The following PTK7 variants were observed in gnomAD, a reference collection of about 807,000 sequenced individuals.
The protein encoded by PTK7 is protein tyrosine kinase 7 (inactive).
A neutral mutation model predicts 116.6 loss-of-function variants in PTK7; 39 were observed. That is an observed-to-expected ratio of 0.33 (90% confidence interval 0.26 to 0.44). The LOEUF is 0.44. Ranked by LOEUF, PTK7 falls within the 20% of genes least tolerant of loss-of-function variation. The probability of loss-of-function intolerance (pLI) is 1.00; values close to 1 mark genes in which losing one functional copy is unlikely to be tolerated. For missense variants in PTK7, 1,169 were observed against 1,425.6 expected (o/e 0.82, Z 2.90); for synonymous variants, 546 against 563.6 (o/e 0.97, Z 0.44).
intron 1 of PTK7, among the ~76,000 whole-genome samples, chr6:43,094,400 G>A (rs1208765226): frequency 1.3e-5 from 2 of 151,918 alleles, no homozygotes. Context: ...GGGTGGTTTG[G>A]TTATGGGGTT....
chr6:43,156,638 T>C (rs1014064840), intron 17 of PTK7, among the ~76,000 whole-genome samples: 7 of 151,724 alleles, frequency 4.6e-5, no homozygotes, highest in African/African-American at 1.7e-4. Flanking sequence ...CAGTGGCTCA[T>C]GTCTGTAATC....
At chr6:43,111,022 C>G (rs1367338700) in intron 1 of PTK7, among the ~76,000 whole-genome samples, 1 of 152,224 alleles carries the variant, frequency 6.6e-6, no homozygotes, top group Non-Finnish European at 1.5e-5. Flanking sequence ...AGGCCTGCTT[C>G]ATACCAAGAT....
chr6:43,161,054 T>C lies in PTK7; in HGVS notation c.*173T>C. 1.0e-6 allele frequency: 1 copy of C among 981,382 alleles called. No individual in the cohort carries two copies. Among genetic ancestry groups the C allele is most frequent in the Non-Finnish European group, 1.4e-6 (1 of 693,242 alleles). 60.8% of individuals were successfully genotyped at this position (981,382 alleles called of 1,614,324 possible). A position where few individuals can be genotyped will look rare whatever the true frequency, so the allele number is the denominator to read the frequency against. ...CCTTTCCTCCTCTTCCTCACCCTCA[T>C]CCTTTGGGAGGCTGACTTGGACCCA... On this transcript the variant is annotated 3_prime_UTR_variant, in exon 20 of 20. Coordinates refer to ENST00000230419, the MANE Select transcript of PTK7 (RefSeq NM_002821.5).
chr6:43,159,062 A>C (rs1771682976), intron 18 of PTK7, 94 bp downstream of exon 18: 1 of 1,500,098 alleles, frequency 6.7e-7, no homozygotes, highest in African/African-American at 1.4e-5. Flanking sequence ...GAAAGGGTTT[A>C]GTGCCTGCTT....
intron 17 of PTK7, among the ~76,000 whole-genome samples, chr6:43,150,420 A>C (rs908002022): frequency 3.9e-5 from 6 of 152,192 alleles, no homozygotes; most frequent in African/African-American, 1.4e-4. Flanking sequence ...GTCTAACAGA[A>C]TTCCCTTTTA....
intron 10 of PTK7, among the ~76,000 whole-genome samples, chr6:43,140,831 A>G (rs1770356669): frequency 6.6e-6 from 1 of 152,116 alleles, no homozygotes; most frequent in Non-Finnish European, 1.5e-5. Flanking sequence ...TATTTTTTAA[A>G]ATTATTTATT....
intron 1 of PTK7, among the ~76,000 whole-genome samples, chr6:43,114,803 G>T (rs1768401737): frequency 6.6e-6 from 1 of 152,054 alleles, no homozygotes; most frequent in Admixed American, 6.6e-5. Flanking sequence ...TCTTTGGGAG[G>T]TCTAGGCAGG....
At chr6:43,097,428 G>A (rs533847782) in intron 1 of PTK7, among the ~76,000 whole-genome samples, 4 of 152,206 alleles carry the variant, frequency 2.6e-5, no homozygotes, top group Non-Finnish European at 5.9e-5. Context: ...ATTCCTGGAA[G>A]TGGAGTTGCT....
At position 43,076,504 on chromosome 6, in the gene PTK7, G is replaced by A. The variant is rs1582036563; in HGVS notation, c.16G>A (p.Gly6Arg). MGAAR[G>R]SPARPRRLPL... The stretch of plus-strand genomic sequence containing the variant: ...GCCCGCCGCGATGGGAGCTGCGCGG[G>A]GATCCCCGGCCAGACCCCGCCGGTT... The change falls in exon 1 of 20, where the codon GGA (glycine) becomes AGA (arginine). Residue 6 changes from glycine (G) to arginine (R), a missense_variant. Around this residue, in one of 3 missense-constraint regions of PTK7, gnomAD observed 487 missense variants for 549.8 expected, o/e 0.89. Coordinates refer to ENST00000230419, the MANE Select transcript of PTK7 (RefSeq NM_002821.5). This position sits in a 1 kb window ranked among gnomAD's most constrained non-coding sequence, Gnocchi z 5.7. 1.3e-6 allele frequency: 2 copies of A among 1,571,274 alleles called. No individual in the cohort carries two copies. Among genetic ancestry groups the A allele is most frequent in the Non-Finnish European group, 8.6e-7 (1 of 1,163,692 alleles).
chr6:43,144,043 C>G (rs1051433608), intron 14 of PTK7, among the ~76,000 whole-genome samples: 5 of 152,226 alleles, frequency 3.3e-5, no homozygotes, highest in African/African-American at 1.2e-4. Flanking sequence ...TGCTGGGTCT[C>G]TCCTATCAGC....
At chr6:43,116,303 G>T (rs58978857) in intron 1 of PTK7, among the ~76,000 whole-genome samples, 1 of 152,150 alleles carries the variant, frequency 6.6e-6, no homozygotes, top group African/African-American at 2.4e-5. Context: ...GCCGTGAGAA[G>T]GGATGGCCAG....
intron 1 of PTK7, among the ~76,000 whole-genome samples, chr6:43,094,297 C>CT (rs1371959877): frequency 6.6e-6 from 1 of 152,138 alleles, no homozygotes; most frequent in Admixed American, 6.6e-5. Context: ...CCCTGTTCTC[C>CT]TGCCTCACCA....
Position 43,141,121 on chromosome 6 carries a change from T to G in PTK7, c.1619-547T>G, listed in dbSNP as rs1277701712. ...TTAGGTTTATTTCCTTTGGGAAAGATTCCCAGAATTGGGATAATTATGCAC... is the reference window on the plus strand; with the variant it reads ...TTAGGTTTATTTCCTTTGGGAAAGAGTCCCAGAATTGGGATAATTATGCAC... On this transcript the variant is annotated intron_variant, in intron 10 of 19. Coordinates refer to ENST00000230419, the MANE Select transcript of PTK7 (RefSeq NM_002821.5). The surrounding 1 kb of genome is among the most constrained non-coding windows in gnomAD (Gnocchi z 4.9). Among the ~76,000 whole-genome samples the G allele has an allele frequency of 6.6e-6, 1 of 152,142 alleles. No individual in the cohort carries two copies. The highest frequency in any genetic ancestry group is 2.4e-5 in the African/African-American group (1 of 41,424).
chr6:43,156,593 AG>A (rs1316484655), intron 17 of PTK7, among the ~76,000 whole-genome samples: 1 of 151,950 alleles, frequency 6.6e-6, no homozygotes, highest in African/African-American at 2.4e-5. Flanking sequence ...TGGGTGACAG[AG>A]TGAGACCCTA....
intron 1 of PTK7, among the ~76,000 whole-genome samples, chr6:43,094,246 G>A (rs1767114631): frequency 6.6e-6 from 1 of 152,158 alleles, no homozygotes; most frequent in South Asian, 2.1e-4. Flanking sequence ...TTTAGTTGGA[G>A]GACGTCGGTG....
At chr6:43,080,049 C>CA (rs1173188904) in intron 1 of PTK7, among the ~76,000 whole-genome samples, 3,139 of 56,366 alleles carry the variant, frequency 0.056, 92 homozygotes, top group African/African-American at 0.13. Flanking sequence ...TGACAGAGTT[C>CA]AAAAAAAAAA....
chr6:43,114,044 C>T (rs1214033880), intron 1 of PTK7, among the ~76,000 whole-genome samples: 3 of 150,702 alleles, frequency 2.0e-5, no homozygotes, highest in Non-Finnish European at 4.4e-5. Context: ...GGCCCCAGGG[C>T]TGCTGGGGCG....
chr6:43,127,579 T>G (rs1769368341), intron 1 of PTK7, among the ~76,000 whole-genome samples: 1 of 152,156 alleles, frequency 6.6e-6, no homozygotes, highest in African/African-American at 2.4e-5. Context: ...ACCACATGGC[T>G]CTCCTCTTAA....
intron 1 of PTK7, among the ~76,000 whole-genome samples, chr6:43,081,485 A>G (rs935881347): frequency 6.6e-6 from 1 of 151,648 alleles, no homozygotes; most frequent in Non-Finnish European, 1.5e-5. Context: ...GTTCACTGCA[A>G]CCTCTACCTC....
Sources: allele counts gnomAD v4.1 joint callset (sites outside exome capture counted in the v4.1 genomes callset), GRCh38; gene constraint gnomAD v4.1.1; regional missense constraint gnomAD v4.1.1; non-coding constraint Gnocchi (gnomAD v3.1); transcripts MANE v1.5; gene names NCBI Gene and HGNC (gene_info 2026-07-23, HGNC 2026-07-21).